SPECC1L: variants seen among roughly 807,000 people sequenced by gnomAD.
SPECC1L encodes sperm antigen with calponin homology and coiled-coil domains 1 like.
In SPECC1L, 40 loss-of-function variants were observed where a neutral mutation model predicts 116.8. That is an observed-to-expected ratio of 0.34 (90% CI 0.27 to 0.45). The LOEUF (loss-of-function observed/expected upper bound fraction) is 0.45. SPECC1L is among the 20% of genes least tolerant of loss of function. SPECC1L has a pLI of 1.00. For synonymous variants in SPECC1L, 504 were observed against 500.6 expected (o/e 1.01, Z -0.09); for missense variants, 1,110 against 1,373.6 (o/e 0.81, Z 3.03).
chr22:24,283,075 G>A (rs564116726), intron 2 of SPECC1L, among the ~76,000 whole-genome samples: 1 of 150,092 alleles, frequency 6.7e-6, no homozygotes, highest in South Asian at 2.1e-4. Flanking sequence ...ACTGTGCCTG[G>A]CCGATAACTT....
chr22:24,411,736 A>G (rs1253808885), intron 15 of SPECC1L, 32 bp downstream of exon 15: 5 of 1,563,862 alleles, frequency 3.2e-6, no homozygotes, highest in Non-Finnish European at 4.4e-6. Context: ...CCTGGCACCC[A>G]CCTCACAGGG....
intron 14 of SPECC1L, among the ~76,000 whole-genome samples, chr22:24,378,019 G>A (rs553106544): frequency 6.6e-6 from 1 of 152,330 alleles, no homozygotes; most frequent in African/African-American, 2.4e-5. Context: ...CTCCTCTGTA[G>A]CTATGAAAGT....
In SPECC1L at chr22:24,322,313, C is replaced by A. The variant is rs1556226441; in HGVS notation, c.1333C>A (p.Leu445Met). The change falls in exon 5 of 17, where the codon CTG (leucine) becomes ATG (methionine). Residue 445 changes from leucine (L) to methionine (M), a missense_variant. This residue lies in a region of SPECC1L where 575 missense variants were observed against 682.4 expected (regional missense o/e 0.84). Coordinates refer to ENST00000314328, the MANE Select transcript of SPECC1L (RefSeq NM_015330.6). ...NERLGEEKVI[L>M]MESLCQQSDK... is the part of the protein sequence containing the mutation. ...AAGGCTTGGAGAAGAGAAGGTTATTCTGATGGAGTCTTTATGTCAGCAGAG... is the reference window on the plus strand; with the variant it reads ...AAGGCTTGGAGAAGAGAAGGTTATTATGATGGAGTCTTTATGTCAGCAGAG... 8.1e-6 allele frequency: 13 copies of A among 1,614,224 alleles called. No individual in the cohort carries two copies. Among genetic ancestry groups the A allele is most frequent in the Non-Finnish European group, 1.0e-5 (12 of 1,180,042 alleles).
intron 9 of SPECC1L, among the ~76,000 whole-genome samples, chr22:24,337,483 T>C (rs2041084543): frequency 6.6e-6 from 1 of 152,218 alleles, no homozygotes; most frequent in African/African-American, 2.4e-5. Flanking sequence ...AATTATGAAA[T>C]GTTTTGTAAC....
Position 24,414,749 on chromosome 22 carries a change from G to A in SPECC1L, c.*126G>A. 1 of 801,642 alleles carries A rather than the reference G, an allele frequency of 1.2e-6. No homozygotes were observed. The allele number at this position is 801,642 out of a possible 1,614,324, so 49.7% of individuals were successfully genotyped here. A position where few individuals can be genotyped will look rare whatever the true frequency, so the allele number is the denominator to read the frequency against. On this transcript the variant is annotated 3_prime_UTR_variant, in exon 17 of 17. Coordinates refer to ENST00000314328, the MANE Select transcript of SPECC1L (RefSeq NM_015330.6). ...CTCTGGGCTGCCCCACAGCGTGTGA[G>A]CCTCCAGCTCGGGGCTTCCGTATTG...
At chr22:24,278,544 CTGT>C (rs1336667902) in intron 2 of SPECC1L, among the ~76,000 whole-genome samples, 1 of 152,096 alleles carries the variant, frequency 6.6e-6, no homozygotes, top group East Asian at 1.9e-4. Context: ...CAGATATTGA[CTGT>C]TAGGTGCCAG....
chr22:24,378,953 A>ACAGG (rs1225925971), intron 14 of SPECC1L, among the ~76,000 whole-genome samples: 3 of 152,290 alleles, frequency 2.0e-5, no homozygotes, highest in East Asian at 3.9e-4. Flanking sequence ...CTTGTTTGAT[A>ACAGG]CAGGATTGCC....
At chr22:24,399,741 A>T (rs980675062) in intron 14 of SPECC1L, among the ~76,000 whole-genome samples, 1 of 152,194 alleles carries the variant, frequency 6.6e-6, no homozygotes, top group African/African-American at 2.4e-5. Flanking sequence ...CCACAGAATC[A>T]GGGATGGCTT....
chr22:24,275,709 C>CT (rs576878410), intron 1 of SPECC1L, among the ~76,000 whole-genome samples: 9 of 152,194 alleles, frequency 5.9e-5, no homozygotes, highest in African/African-American at 2.2e-4. Flanking sequence ...CATTATTCAA[C>CT]TTTTTTTATT....
rs553211467 is a variant in SPECC1L, at chr22:24,405,126, C to T, written c.3088-6462C>T. 2.6e-5 allele frequency among the ~76,000 whole-genome samples: 4 copies of T among 152,344 alleles called. No homozygotes were observed. The East Asian group carries it at 7.7e-4, about 29-fold the overall frequency. ...CTCCTGCTGGGGTGGAAAGCTCTGC[C>T]TTGTGGCATCCAAATGGCTTTGAAA... is the stretch of plus-strand genomic sequence containing the variant. On this transcript the variant is annotated intron_variant, in intron 14 of 16. Coordinates refer to ENST00000314328, the MANE Select transcript of SPECC1L (RefSeq NM_015330.6).
chr22:24,288,971 C>A (rs1230170722), intron 2 of SPECC1L, among the ~76,000 whole-genome samples: 1 of 152,098 alleles, frequency 6.6e-6, no homozygotes, highest in Non-Finnish European at 1.5e-5. Flanking sequence ...ATATTTGAAC[C>A]ATTAATGAAG....
At position 24,322,558 on chromosome 22, in the gene SPECC1L, C is replaced by G. The variant is rs1416467317; in HGVS notation, c.1578C>G (p.Asp526Glu). 1.9e-6 allele frequency: 3 copies of G among 1,614,024 alleles called. No homozygotes were observed. The highest frequency in any genetic ancestry group is 2.5e-6 in the Non-Finnish European group (3 of 1,180,036). ...ATACTTTGAAAATGGCAGAACAAGA[C>G]AATAAGGAAGCTCAAGAAATGATAG... is the stretch of plus-strand genomic sequence containing the variant. ...LSNTLKMAEQ[D>E]NKEAQEMIGA... The change falls in exon 5 of 17, where the codon GAC becomes GAG. Residue 526 changes from aspartate (D) to glutamate (E), a missense_variant. Physicochemically the swap from Asp to Glu is conservative, Grantham distance 45. Transcript: ENST00000314328.
In SPECC1L at chr22:24,411,633, G is replaced by A. The variant is rs138326141; in HGVS notation, c.3133G>A (p.Ala1045Thr). The A allele has an allele frequency of 6.2e-7, 1 of 1,614,006 alleles. No individual in the cohort carries two copies. Among genetic ancestry groups the A allele is most frequent in the Non-Finnish European group, 8.5e-7 (1 of 1,180,042 alleles). ...NFSSSWNDGL[A>T]FCALLHTYLP... The stretch of plus-strand genomic sequence containing the variant: ...CAGCAGCAGCTGGAATGATGGGCTG[G>A]CCTTCTGTGCCCTCCTGCATACATA... The change falls in exon 15 of 17, where the codon GCC becomes ACC. Residue 1045 changes from alanine to threonine, a missense_variant. Physicochemically the swap from Ala to Thr is moderately conservative, Grantham distance 58. Around this residue, in one of 4 missense-constraint regions of SPECC1L, gnomAD observed 76 missense variants for 148.5 expected, o/e 0.51. Transcript: ENST00000314328.
At chr22:24,409,926 G>A (rs886442645) in intron 14 of SPECC1L, among the ~76,000 whole-genome samples, 8 of 152,222 alleles carry the variant, frequency 5.3e-5, no homozygotes, top group Admixed American at 2.6e-4. Context: ...AGCTACTCAG[G>A]AGGCTGAGGT....
chr22:24,296,237 A>G (rs1372991277), intron 2 of SPECC1L, among the ~76,000 whole-genome samples: 2 of 152,200 alleles, frequency 1.3e-5, no homozygotes, highest in East Asian at 3.8e-4. Context: ...TCATCTAGAC[A>G]TACCCACCTG....
At chr22:24,357,989 A>G (rs146894743) in intron 11 of SPECC1L, among the ~76,000 whole-genome samples, 257 of 151,928 alleles carry the variant, frequency 1.7e-3, no homozygotes, top group African/African-American at 5.6e-3. Context: ...GACATAGGCC[A>G]TGTTCAGGTA....
At chr22:24,396,888 AC>A (rs1336581912) in intron 14 of SPECC1L, among the ~76,000 whole-genome samples, 1 of 152,140 alleles carries the variant, frequency 6.6e-6, no homozygotes, top group Non-Finnish European at 1.5e-5. Flanking sequence ...GTAAAACAAA[AC>A]CCAAAAAAAT....
chr22:24,361,325 G>A (rs1601606511), intron 11 of SPECC1L, among the ~76,000 whole-genome samples: 1 of 106,030 alleles, frequency 9.4e-6, no homozygotes, highest in South Asian at 2.7e-4. Context: ...AGAAGTCAAG[G>A]TGGCAGTGAG....
At chr22:24,383,210 C>CT (rs2042094167) in intron 14 of SPECC1L, among the ~76,000 whole-genome samples, 1 of 152,200 alleles carries the variant, frequency 6.6e-6, no homozygotes, top group Non-Finnish European at 1.5e-5. Flanking sequence ...GTGATCAGCC[C>CT]TTATTCTAGT....
Sources: allele counts gnomAD v4.1 joint callset (sites outside exome capture counted in the v4.1 genomes callset), GRCh38; gene constraint gnomAD v4.1.1; regional missense constraint gnomAD v4.1.1; transcripts MANE v1.5; gene names NCBI Gene and HGNC (gene_info 2026-07-23, HGNC 2026-07-21).